SIKE1: variants seen among roughly 807,000 people sequenced by gnomAD.
SIKE1 encodes the protein suppressor of IKBKE 1.
A neutral mutation model predicts 25.8 loss-of-function variants in SIKE1; 13 were observed. That is an observed-to-expected ratio of 0.50 (90% CI 0.33 to 0.80). The LOEUF is 0.80. SIKE1 is among the 30% of genes least tolerant of loss of function. The pLI is 0.02. For synonymous variants in SIKE1, 86 were observed against 95.5 expected (o/e 0.90, Z 0.58); for missense variants, 222 against 252.4 (o/e 0.88, Z 0.82).
At chr1:114,776,254 T>G in intron 4 of SIKE1, 92 bp downstream of exon 4, 1 of 785,494 alleles carries the variant, frequency 1.3e-6, no homozygotes, top group Non-Finnish European at 2.2e-6. Flanking sequence ...ACAGAAAACA[T>G]CAATATATTA....
At chr1:114,778,992 G>C in intron 3 of SIKE1, 150 bp downstream of exon 3, 1 of 864,930 alleles carries the variant, frequency 1.2e-6, no homozygotes, top group Non-Finnish European at 1.8e-6. Flanking sequence ...AGGAGGCAGA[G>C]GTTGCAGTGA....
intron 4 of SIKE1, among the ~76,000 whole-genome samples, chr1:114,775,322 C>T (rs1244529537): frequency 1.3e-5 from 2 of 152,034 alleles, no homozygotes. Context: ...TGAAGTGCTT[C>T]CTTCGGTATT....
intron 3 of SIKE1, among the ~76,000 whole-genome samples, chr1:114,777,939 G>A (rs1662291946): frequency 6.6e-6 from 1 of 152,134 alleles, no homozygotes; most frequent in African/African-American, 2.4e-5. Context: ...TACATTCCAA[G>A]GTGCTTTATT....
In SIKE1 at chr1:114,774,371, AGCTG is replaced by A; in HGVS notation, c.523-3_523del. On this transcript the variant is annotated splice_acceptor_variant and splice_polypyrimidine_tract_variant and coding_sequence_variant and intron_variant, in exon 5 of 5. Transcript: ENST00000060969. LOFTEE classifies it high-confidence loss of function. ...TAATTCTCGAAGTTCCTTATTTTCA[AGCTG>A]GAAAAAAAAAGGCATGTTTATTTCT... is the stretch of plus-strand genomic sequence containing the variant. The A allele has an allele frequency of 1.2e-6, 2 of 1,601,954 alleles. No individual in the cohort carries two copies. Among genetic ancestry groups the A allele is most frequent in the Admixed American group, 1.7e-5 (1 of 59,706 alleles).
chr1:114,779,328 G>C, intron 2 of SIKE1, 44 bp from the exon 3 acceptor site: 2 of 1,600,540 alleles, frequency 1.2e-6, no homozygotes, highest in Non-Finnish European at 1.7e-6. Context: ...CTGAGAGACA[G>C]TTCCCAAATC....
chr1:114,774,452 A>C (rs781481749), intron 4 of SIKE1, 80 bp from the exon 5 acceptor site: 1 of 934,560 alleles, frequency 1.1e-6, no homozygotes, highest in Non-Finnish European at 1.6e-6. Flanking sequence ...TTGAGCCAGG[A>C]GCAGAAAACA....
Position 114,780,438 on chromosome 1 carries a change from C to A in SIKE1, c.159+11G>T. On this transcript the variant is annotated intron_variant, in intron 1 of 4. Coordinates refer to ENST00000060969, the MANE Select transcript of SIKE1 (RefSeq NM_025073.3). ...AATCCGAGAGCACTGGACTCCTACC[C>A]TCTGCCTGACCTGGTCCGGAAGCGC... 2 of 1,609,800 alleles carry A rather than the reference C, an allele frequency of 1.2e-6. No individual in the cohort carries two copies. The highest frequency in any genetic ancestry group is 4.7e-5 in the East Asian group (2 of 42,218).
At chr1:114,778,824 C>T in intron 3 of SIKE1, 1 of 308,974 alleles carries the variant, frequency 3.2e-6, no homozygotes, top group Non-Finnish European at 6.0e-6. Context: ...CCAGGAGTTT[C>T]AGACCAGCCT....
intron 3 of SIKE1, chr1:114,778,866 A>AAAAC (rs144580038): frequency 0.12 from 48,237 of 413,768 alleles, 3,334 homozygotes; most frequent in South Asian, 0.15. Flanking sequence ...TCTCTACCAA[A>AAAAC]AAACAAACAA....
At chr1:114,776,500 G>T in intron 3 of SIKE1, 41 bp from the exon 4 acceptor site, 1 of 1,277,284 alleles carries the variant, frequency 7.8e-7, no homozygotes, top group Non-Finnish European at 1.1e-6. Flanking sequence ...AAAATCACCT[G>T]TTCTGTAGAT....
chr1:114,774,697 CCA>C (rs1399855420), intron 4 of SIKE1, among the ~76,000 whole-genome samples: 1 of 152,080 alleles, frequency 6.6e-6, no homozygotes, highest in Non-Finnish European at 1.5e-5. Flanking sequence ...TTCTTGGTTC[CCA>C]CAGTTTTACT....
rs1662335086 is a variant in SIKE1, at chr1:114,779,212, A to G, written c.338T>C (p.Leu113Ser). Residue 113 changes from leucine to serine, a missense_variant, in exon 3 of 5, where the codon TTA (leucine) becomes TCA (serine). By Grantham distance (145) the Leu-to-Ser change is moderately radical. Transcript: ENST00000060969. ...LIMSKYRKQM[L>S]QLMVAKKAVD... is the part of the protein sequence containing the mutation. ...CGCTTTTTTAGCAACCATTAACTGTAACATCTGTTTCCGATATTTGCTCAT... is the reference window on the plus strand; with the variant it reads ...CGCTTTTTTAGCAACCATTAACTGTGACATCTGTTTCCGATATTTGCTCAT... 1 of 1,614,134 alleles carries G rather than the reference A, an allele frequency of 6.2e-7. No homozygotes were observed. Among genetic ancestry groups the G allele is most frequent in the Admixed American group, 1.7e-5 (1 of 60,010 alleles).
At position 114,771,414 on chromosome 1, in the gene SIKE1, G is replaced by A. The variant is rs935855460; in HGVS notation, c.*2857C>T. 1 of 152,152 alleles carries A rather than the reference G, an allele frequency of 6.6e-6. No homozygotes were observed. The highest frequency in any genetic ancestry group is 1.5e-5 in the Non-Finnish European group (1 of 68,014). 9.4% of individuals were successfully genotyped at this position (152,152 alleles called of 1,614,324 possible). On this transcript the variant is annotated 3_prime_UTR_variant, in exon 5 of 5. Coordinates refer to ENST00000060969, the MANE Select transcript of SIKE1 (RefSeq NM_025073.3). ...ATTTAGGCATCTCAAGTTAGTTAGT[G>A]ATTAAAAATGTGCTTAAGACTCTGT...
At chr1:114,777,893 C>T (rs1662291012) in intron 3 of SIKE1, among the ~76,000 whole-genome samples, 1 of 152,144 alleles carries the variant, frequency 6.6e-6, no homozygotes, top group Non-Finnish European at 1.5e-5. Context: ...GGCTGTTTAA[C>T]TTAAATTTGA....
At chr1:114,780,420 G>A (rs1662369852) in intron 1 of SIKE1, 29 bp downstream of exon 1, 2 of 1,609,948 alleles carry the variant, frequency 1.2e-6, no homozygotes, top group Non-Finnish European at 1.7e-6. Context: ...CAGAATCCGA[G>A]AGCACTGGAC....
intron 3 of SIKE1, among the ~76,000 whole-genome samples, chr1:114,777,327 TAC>T (rs1313924520): frequency 6.6e-6 from 1 of 152,220 alleles, no homozygotes; most frequent in East Asian, 1.9e-4. Context: ...TACTAAGGAA[TAC>T]AGTTTTTTAA....
rs1476028237 is a variant in SIKE1, at chr1:114,772,950, A to T, written c.*1321T>A. ...TTTGTTATTTTAACTGTAGTTCTTT[A>T]TAGCATTACGAAAGAAATATCACTC... is the stretch of plus-strand genomic sequence containing the variant. On this transcript the variant is annotated 3_prime_UTR_variant, in exon 5 of 5. Transcript: ENST00000060969. 6.6e-6 allele frequency: 1 copy of T among 152,190 alleles called. No individual in the cohort carries two copies. Among genetic ancestry groups the T allele is most frequent in the Non-Finnish European group, 1.5e-5 (1 of 68,012 alleles). 9.4% of individuals were successfully genotyped at this position (152,190 alleles called of 1,614,324 possible).
In SIKE1 at chr1:114,774,160, A is replaced by C. The variant is rs780330487; in HGVS notation, c.*111T>G. 2.5e-6 allele frequency: 2 copies of C among 785,266 alleles called. No homozygotes were observed. The highest frequency in any genetic ancestry group is 4.0e-6 in the Non-Finnish European group (2 of 496,332). The allele number at this position is 785,266 out of a possible 1,614,324, so 48.6% of individuals were successfully genotyped here. On this transcript the variant is annotated 3_prime_UTR_variant, in exon 5 of 5. Coordinates refer to ENST00000060969, the MANE Select transcript of SIKE1 (RefSeq NM_025073.3). ...TTCTAAATTGCCACCTGATACCTTT[A>C]ATTAAGATTAAATCAAATCTGAGGC...
At chr1:114,776,318 T>C in intron 4 of SIKE1, 28 bp downstream of exon 4, 2 of 1,351,056 alleles carry the variant, frequency 1.5e-6, no homozygotes, top group Non-Finnish European at 2.1e-6. Context: ...TATGAAATAC[T>C]GTGAACCTAA....
Sources: allele counts gnomAD v4.1 joint callset (sites outside exome capture counted in the v4.1 genomes callset), GRCh38; gene constraint gnomAD v4.1.1; transcripts MANE v1.5; gene names NCBI Gene and HGNC (gene_info 2026-07-23, HGNC 2026-07-21).